Variants in EML6 observed in about 807,000 individuals in gnomAD.
EML6 encodes the protein echinoderm microtubule-associated protein-like 6.
In EML6, 154 loss-of-function variants were observed where a neutral mutation model predicts 240.1. That is an observed-to-expected ratio of 0.64 (90% CI 0.56 to 0.73). The LOEUF is 0.73. Ranked by LOEUF, EML6 falls within the 30% of genes least tolerant of loss-of-function variation. The probability of loss-of-function intolerance (pLI) is 0.00; values close to 1 mark genes in which losing one functional copy is unlikely to be tolerated. For synonymous variants in EML6, 1,148 were observed against 899.0 expected, an observed-to-expected ratio of 1.28 and a Z score of -4.95; for missense variants, 2,964 against 2,474.6, an observed-to-expected ratio of 1.20 and a Z score of -4.20.
chr2:54,910,993 T>A lies in EML6; in HGVS notation c.3449T>A (p.Leu1150His). 6.6e-7 allele frequency: 1 copy of A among 1,507,160 alleles called. No homozygotes were observed. Among genetic ancestry groups the A allele is most frequent in the Non-Finnish European group, 9.0e-7 (1 of 1,113,484 alleles). 93.4% of individuals were successfully genotyped at this position (1,507,160 alleles called of 1,614,324 possible). A position where few individuals can be genotyped will look rare whatever the true frequency, so the allele number is the denominator to read the frequency against. ...GTGAATTCAGGTGCCAGAGAACAACTTTTTTTTGAAGCTCCAAGAGGCAAA... is the reference window on the plus strand; with the variant it reads ...GTGAATTCAGGTGCCAGAGAACAACATTTTTTTGAAGCTCCAAGAGGCAAA... ...LQVNSGAREQ[L>H]FFEAPRGKRH... is the part of the protein sequence containing the mutation. Residue 1150 changes from leucine (L) to histidine (H), a missense_variant, in exon 25 of 42, where the codon CTT becomes CAT. Transcript: ENST00000356458.
At position 54,743,670 on chromosome 2, in the gene EML6, C is replaced by G. The variant is rs77198946; in HGVS notation, c.197+18412C>G. 2.2e-3 allele frequency among the ~76,000 whole-genome samples: 333 copies of G among 152,184 alleles called. 1 individual carries two copies. The highest frequency in any genetic ancestry group is 5.7e-3 in the African/African-American group (237 of 41,518). ...AAATGTTAAGCTAGAGTTGTAGTCT[C>G]TAAACTTTTTTTGATTGTATACCTC... On this transcript the variant is annotated intron_variant, in intron 2 of 41. Coordinates refer to ENST00000356458, the MANE Select transcript of EML6 (RefSeq NM_001039753.4).
In EML6 at chr2:54,971,202, G is replaced by A. The variant is rs1410220756; in HGVS notation, c.*1107G>A. 6.6e-6 allele frequency: 1 copy of A among 152,192 alleles called. No individual in the cohort carries two copies. The highest frequency in any genetic ancestry group is 1.5e-5 in the Non-Finnish European group (1 of 68,036). 9.4% of individuals were successfully genotyped at this position (152,192 alleles called of 1,614,324 possible). ...CTGCAGAACAAATTGTAAACCCAAG[G>A]AATAGCTGGTAAATCAAAATTATAA... On this transcript the variant is annotated 3_prime_UTR_variant, in exon 42 of 42. Transcript: ENST00000356458.
intron 28 of EML6, among the ~76,000 whole-genome samples, chr2:54,946,078 C>T (rs560061346): frequency 2.6e-4 from 39 of 152,362 alleles, no homozygotes; most frequent in Non-Finnish European, 5.1e-4. Flanking sequence ...TTCTCCTGCT[C>T]TCCAGAGCTT....
At chr2:54,894,750 CA>C (rs1167355402) in intron 19 of EML6, among the ~76,000 whole-genome samples, 164 bp from the exon 20 acceptor site, 3 of 152,138 alleles carry the variant, frequency 2.0e-5, no homozygotes, top group Non-Finnish European at 4.4e-5. Context: ...GAAATGCTCC[CA>C]AAAAATATTA....
chr2:54,725,266 G>T lies in EML6; in HGVS notation c.197+8G>T. On this transcript the variant is annotated splice_region_variant and intron_variant, in intron 2 of 41. Coordinates refer to ENST00000356458, the MANE Select transcript of EML6 (RefSeq NM_001039753.4). This position sits in a 1 kb window ranked among gnomAD's most constrained non-coding sequence, Gnocchi z 4.3. ...CAACGACGACATTATCAGGTAAGGG[G>T]GTGGCCAGGGGCGGCGGGGAGGGGT... The T allele has an allele frequency of 2.1e-6, 3 of 1,412,656 alleles. No individual in the cohort carries two copies. The highest frequency in any genetic ancestry group is 3.0e-5 in the South Asian group (2 of 66,302). The allele number at this position is 1,412,656 out of a possible 1,614,324, so 87.5% of individuals were successfully genotyped here.
intron 17 of EML6, among the ~76,000 whole-genome samples, chr2:54,888,078 C>T (rs1406156534): frequency 1.3e-5 from 2 of 152,220 alleles, no homozygotes; most frequent in Admixed American, 1.3e-4. Flanking sequence ...ATGCCACCAG[C>T]TTTTGTGAAA....
At chr2:54,958,172 G>C (rs1676323235) in intron 33 of EML6, among the ~76,000 whole-genome samples, 174 bp downstream of exon 33, 1 of 152,086 alleles carries the variant, frequency 6.6e-6, no homozygotes, top group African/African-American at 2.4e-5. Flanking sequence ...TAGCACATAT[G>C]GGTGGGTTGG....
At chr2:54,879,257 C>T (rs1012876215) in intron 16 of EML6, among the ~76,000 whole-genome samples, 2 of 152,186 alleles carry the variant, frequency 1.3e-5, no homozygotes, top group African/African-American at 2.4e-5. Context: ...TTCGGCAGCC[C>T]GTTATGCATT....
intron 33 of EML6, among the ~76,000 whole-genome samples, chr2:54,958,871 G>C (rs150042224): frequency 6.6e-6 from 1 of 152,178 alleles, no homozygotes; most frequent in East Asian, 1.9e-4. Context: ...GCTCAGAGGG[G>C]AAGTCAGATG....
rs115045617 is a variant in EML6 at position 54,907,878 on chromosome 2, T to C, written c.3410-3076T>C. ...CAGAATATGTCAGTGGTGAGACAGA[T>C]AGATTAGATAGATTAGATAGATTAG... On this transcript the variant is annotated intron_variant, in intron 24 of 41. Coordinates refer to ENST00000356458, the MANE Select transcript of EML6 (RefSeq NM_001039753.4). Among the ~76,000 whole-genome samples the C allele has an allele frequency of 4.1e-3, 611 of 150,570 alleles. 1 individual carries two copies. The highest frequency in any genetic ancestry group is 6.2e-3 in the Non-Finnish European group (420 of 67,858).
chr2:54,903,408 CTT>C lies in EML6; in HGVS notation c.3317_3318del (p.Phe1106CysfsTer16). The C allele has an allele frequency of 6.4e-7, 1 of 1,551,774 alleles. No individual in the cohort carries two copies. Among genetic ancestry groups the C allele is most frequent in the Non-Finnish European group, 8.7e-7 (1 of 1,146,970 alleles). ...KYLAVASHDNFVDIYNVLTSK... is the reference protein window; with the variant it reads ...KYLAVASHDNXVDIYNVLTSK... ...ACCTTGCCGTGGCATCCCATGATAA[CTT>C]TGTGGATATTTACAACGTACTTACA... On this transcript the variant is annotated frameshift_variant, in exon 24 of 42. Coordinates refer to ENST00000356458, the MANE Select transcript of EML6 (RefSeq NM_001039753.4). LOFTEE classifies it high-confidence loss of function.
chr2:54,948,368 G>A (rs1303174614), intron 28 of EML6, among the ~76,000 whole-genome samples: 8 of 152,244 alleles, frequency 5.3e-5, no homozygotes, highest in Middle Eastern at 3.4e-3. Context: ...AAGTGAGGCC[G>A]ACCTAGGCAC....
intron 24 of EML6, among the ~76,000 whole-genome samples, chr2:54,910,192 T>A (rs1673567479): frequency 6.6e-6 from 1 of 152,196 alleles, no homozygotes; most frequent in Non-Finnish European, 1.5e-5. Flanking sequence ...ATACTCTTCT[T>A]CTATACATGT....
chr2:54,936,968 C>CTT (rs141307785), intron 28 of EML6, among the ~76,000 whole-genome samples: 1 of 132,610 alleles, frequency 7.5e-6, no homozygotes, highest in East Asian at 2.2e-4. Context: ...TCATGTCTCT[C>CTT]TTTTTTTTTT....
intron 2 of EML6, among the ~76,000 whole-genome samples, chr2:54,764,849 C>G (rs1316967887): frequency 6.6e-6 from 1 of 152,156 alleles, no homozygotes; most frequent in African/African-American, 2.4e-5. Flanking sequence ...TTAACCTCTT[C>G]TATTTACAAA....
chr2:54,955,717 G>A (rs1313890750), intron 32 of EML6, among the ~76,000 whole-genome samples: 7 of 152,158 alleles, frequency 4.6e-5, no homozygotes, highest in Non-Finnish European at 8.8e-5. Flanking sequence ...GACCTCCCAG[G>A]GGAAGGTTAG....
In EML6 at chr2:54,849,351, G is replaced by T. The variant is rs570040195; in HGVS notation, c.1188-611G>T. Reference sequence around the variant, plus strand: ...TAGTTACTCCACTGATCTATCAAACGCTGGATCTTATTTCTTCTATCACAC... The same window carrying T: ...TAGTTACTCCACTGATCTATCAAACTCTGGATCTTATTTCTTCTATCACAC... On this transcript the variant is annotated intron_variant, in intron 9 of 41. Transcript: ENST00000356458. 9.2e-5 allele frequency among the ~76,000 whole-genome samples: 14 copies of T among 152,154 alleles called. No individual in the cohort carries two copies. The East Asian group carries it at 2.7e-3, about 29-fold the overall frequency.
Position 54,725,162 on chromosome 2 carries a change from A to G in EML6, c.101A>G (p.Lys34Arg), listed in dbSNP as rs1682850664. 6.5e-7 allele frequency: 1 copy of G among 1,533,864 alleles called. No individual in the cohort carries two copies. Among genetic ancestry groups the G allele is most frequent in the South Asian group, 1.2e-5 (1 of 82,998 alleles). Reference protein sequence around the residue: ...CRNNLYYTAGKEVVYFVAGVG... With the variant: ...CRNNLYYTAGREVVYFVAGVG... ...AACAACCTGTACTACACGGCAGGCA[A>G]GGAGGTGGTCTACTTTGTGGCTGGG... is the stretch of plus-strand genomic sequence containing the variant. The change falls in exon 2 of 42, where the codon AAG becomes AGG. Residue 34 changes from lysine (K) to arginine (R), a missense_variant. By Grantham distance (26) the Lys-to-Arg change is conservative. Transcript: ENST00000356458. The surrounding 1 kb of genome is among the most constrained non-coding windows in gnomAD (Gnocchi z 4.3).
chr2:54,787,597 T>C (rs1424337254), intron 2 of EML6, among the ~76,000 whole-genome samples: 1 of 152,204 alleles, frequency 6.6e-6, no homozygotes, highest in Non-Finnish European at 1.5e-5. Context: ...GATCGATAAA[T>C]AGTAGCTAAT....
Sources: gnomAD v4.1 joint callset for allele counts (sites outside exome capture counted in the v4.1 genomes callset) on GRCh38, gnomAD v4.1.1 for gene constraint, Gnocchi (gnomAD v3.1) non-coding constraint, MANE v1.5 for transcripts, NCBI Gene and HGNC (gene_info 2026-07-23, HGNC 2026-07-21) for gene names.